HS2ST1: variants seen among roughly 807,000 people sequenced by gnomAD.
The protein encoded by HS2ST1 is heparan sulfate 2-O-sulfotransferase 1, also known as 2-O-sulfotransferase.
In HS2ST1, 18 loss-of-function variants were observed where a neutral mutation model predicts 42.9. The observed-to-expected ratio is 0.42, with a 90% CI of 0.29 to 0.62. The LOEUF is 0.62. Ranked by LOEUF, HS2ST1 falls within the 20% of genes least tolerant of loss-of-function variation. The probability of loss-of-function intolerance (pLI) is 0.21; values close to 1 mark genes in which losing one functional copy is unlikely to be tolerated. For missense variants in HS2ST1, 334 were observed against 433.8 expected (o/e 0.77, Z 2.04); for synonymous variants, 146 against 152.9 (o/e 0.95, Z 0.33).
intron 1 of HS2ST1, among the ~76,000 whole-genome samples, chr1:87,071,521 G>C (rs1254362738): frequency 6.6e-6 from 1 of 152,096 alleles, no homozygotes; most frequent in African/African-American, 2.4e-5. Flanking sequence ...ACGAGGTCAG[G>C]AGTTCAAGAC....
chr1:87,046,649 C>CA, intron 1 of HS2ST1: 1 of 1,528,956 alleles, frequency 6.5e-7, no homozygotes, highest in Non-Finnish European at 8.8e-7. Flanking sequence ...ATCAGATCAA[C>CA]AGAATGAACC....
chr1:86,939,136 T>A (rs1660714578), intron 1 of HS2ST1, among the ~76,000 whole-genome samples: 1 of 152,236 alleles, frequency 6.6e-6, no homozygotes, highest in Non-Finnish European at 1.5e-5. Flanking sequence ...TTTTCTCAGA[T>A]AGCGATGAAC....
At chr1:86,915,488 C>T (rs1368936688) in intron 1 of HS2ST1, among the ~76,000 whole-genome samples, 1 of 152,110 alleles carries the variant, frequency 6.6e-6, no homozygotes, top group African/African-American at 2.4e-5. Context: ...TTGCTGGTCT[C>T]CGGAGACAGA....
chr1:86,989,025 G>T (rs1273407899), intron 1 of HS2ST1, among the ~76,000 whole-genome samples: 1 of 152,218 alleles, frequency 6.6e-6, no homozygotes, highest in African/African-American at 2.4e-5. Flanking sequence ...GATCTTAATG[G>T]TAAGAGTTTC....
rs115071790 is a variant in HS2ST1, at chr1:87,062,351, T to C, written c.125-10583T>C. On this transcript the variant is annotated intron_variant, in intron 1 of 6. Transcript: ENST00000370550. ...TTGAGTTTAATGTCTTTATATAGTC[T>C]TTTTCATGCTTGTTTTACATATTTT... Among the ~76,000 whole-genome samples, 764 of 152,278 alleles carry C rather than the reference T, an allele frequency of 5.0e-3. 8 individuals carry two copies. Among genetic ancestry groups the C allele is most frequent in the African/African-American group, 0.018 (738 of 41,580 alleles).
intron 1 of HS2ST1, among the ~76,000 whole-genome samples, chr1:86,947,465 A>G (rs778646446): frequency 5.3e-5 from 8 of 152,216 alleles, no homozygotes; most frequent in Non-Finnish European, 1.5e-5. Flanking sequence ...TAGTATAGTA[A>G]CATGAAAGTT....
chr1:86,994,642 A>G (rs971695240), intron 1 of HS2ST1, among the ~76,000 whole-genome samples: 3 of 152,088 alleles, frequency 2.0e-5, no homozygotes, highest in African/African-American at 7.2e-5. Context: ...TTAATCTTTA[A>G]CAGTGAGAGA....
chr1:86,963,202 C>G (rs1462780482), intron 1 of HS2ST1, among the ~76,000 whole-genome samples: 1 of 147,724 alleles, frequency 6.8e-6, no homozygotes, highest in Admixed American at 6.8e-5. Context: ...GGGTGTTTCT[C>G]GCATAGGGGG....
chr1:87,064,645 A>G lies in HS2ST1; in HGVS notation c.125-8289A>G, dbSNP rs1024135958. 16 of 415,652 alleles carry G rather than the reference A, an allele frequency of 3.8e-5. No homozygotes were observed. In the Admixed American group the frequency reaches 4.3e-4, roughly 11 times the overall value. 25.7% of individuals were successfully genotyped at this position (415,652 alleles called of 1,614,324 possible). A position where few individuals can be genotyped will look rare whatever the true frequency, so the allele number is the denominator to read the frequency against. On this transcript the variant is annotated intron_variant, in intron 1 of 6. Transcript: ENST00000370550. The stretch of plus-strand genomic sequence containing the variant: ...TTAGTCCCCCATGGTGATTGTGCTC[A>G]GGGAGACTGATTCAAGCTAATAATA...
chr1:87,012,747 A>C (rs541965311), intron 1 of HS2ST1, among the ~76,000 whole-genome samples: 3 of 152,344 alleles, frequency 2.0e-5, no homozygotes, highest in Admixed American at 2.0e-4. Flanking sequence ...TGAGCCTGAA[A>C]AATCAAAAGC....
intron 2 of HS2ST1, among the ~76,000 whole-genome samples, chr1:87,077,169 G>T (rs1393260601): frequency 1.3e-5 from 2 of 152,168 alleles, no homozygotes; most frequent in South Asian, 2.1e-4. Flanking sequence ...TACAGATGAT[G>T]ATTCTCAGTA....
chr1:87,044,197 T>C (rs1650588861), intron 1 of HS2ST1, among the ~76,000 whole-genome samples: 1 of 152,150 alleles, frequency 6.6e-6, no homozygotes, highest in South Asian at 2.1e-4. Flanking sequence ...TACCGACATT[T>C]TTGGACATTA....
intron 3 of HS2ST1, 142 bp from the exon 4 acceptor site, chr1:87,092,383 CCACATA>C (rs10568899): frequency 0.98 from 348,955 of 355,302 alleles, 171,304 homozygotes; most frequent in East Asian, 1. Context: ...TTCCCAATCG[CCACATA>C]CACATACACA....
At chr1:86,977,737 G>A (rs926886468) in intron 1 of HS2ST1, among the ~76,000 whole-genome samples, 4 of 152,194 alleles carry the variant, frequency 2.6e-5, no homozygotes, top group African/African-American at 9.7e-5. Context: ...TGGCTATTTG[G>A]TAATGCTTTT....
At chr1:86,936,085 A>ATTTCTCTC (rs111936043) in intron 1 of HS2ST1, among the ~76,000 whole-genome samples, 68 of 151,852 alleles carry the variant, frequency 4.5e-4, no homozygotes, top group African/African-American at 1.6e-3. Context: ...TTTCTACTAC[A>ATTTCTCTC]TTTCTCTCTG....
intron 2 of HS2ST1, among the ~76,000 whole-genome samples, chr1:87,080,020 G>T (rs939643020): frequency 1.3e-5 from 2 of 151,942 alleles, no homozygotes; most frequent in Non-Finnish European, 2.9e-5. Flanking sequence ...TGTGCTGTCC[G>T]GCATGAGTGA....
At chr1:87,045,287 A>G in intron 1 of HS2ST1, 1 of 1,108,650 alleles carries the variant, frequency 9.0e-7, no homozygotes, top group Non-Finnish European at 1.4e-6. Flanking sequence ...GTCCTGGAGG[A>G]AGTAATCTGC....
At chr1:86,916,757 A>G (rs759299359) in intron 1 of HS2ST1, among the ~76,000 whole-genome samples, 17 of 152,312 alleles carry the variant, frequency 1.1e-4, no homozygotes, top group Non-Finnish European at 2.4e-4. Flanking sequence ...ATCCAGCTCT[A>G]CAGAAAAAAA....
intron 1 of HS2ST1, among the ~76,000 whole-genome samples, chr1:86,995,952 G>C (rs1649084085): frequency 6.6e-6 from 1 of 151,942 alleles, no homozygotes; most frequent in Non-Finnish European, 1.5e-5. Context: ...AGTGGTGGCT[G>C]GTTTCTTAAA....
Sources: gnomAD v4.1 joint callset for allele counts (sites outside exome capture counted in the v4.1 genomes callset) on GRCh38, gnomAD v4.1.1 for gene constraint, MANE v1.5 for transcripts, NCBI Gene and HGNC (gene_info 2026-07-23, HGNC 2026-07-21) for gene names.